Variants in CD33 observed in about 807,000 individuals in gnomAD.
CD33 encodes the protein myeloid cell surface antigen CD33.
In CD33, 25 loss-of-function variants were observed where a neutral mutation model predicts 31.4. The ratio of observed to expected loss-of-function variants is 0.80; its 90% CI spans 0.58 to 1.11. The LOEUF (loss-of-function observed/expected upper bound fraction) is 1.11. Among genes scored for constraint, CD33 ranks in the 50% most tolerant of loss-of-function variants. The pLI, the probability that CD33 is intolerant of heterozygous loss-of-function variation, is 0.00. For synonymous variants in CD33, 176 were observed against 180.6 expected, an observed-to-expected ratio of 0.97 and a Z score of 0.20; for missense variants, 407 against 448.1, an observed-to-expected ratio of 0.91 and a Z score of 0.83.
At chr19:51,215,332 G>A in the CD33 span, among the ~76,000 whole-genome samples, 2 of 152,142 alleles carry the variant, frequency 1.3e-5, no homozygotes, top group East Asian at 3.9e-4. Flanking sequence ...AGAGGTTTCT[G>A]TTCTCATAAA....
Position 51,239,890 on chromosome 19 carries a change from T to C in CD33, c.*202T>C. ...AATCTGTGCTCTTTCATTTGCTAAG[T>C]GTATGATGTCACACAAGCTCCTTAA... On this transcript the variant is annotated 3_prime_UTR_variant, in exon 7 of 7. Transcript: ENST00000262262. 1 of 434,534 alleles carries C rather than the reference T, an allele frequency of 2.3e-6. No individual in the cohort carries two copies. Among genetic ancestry groups the C allele is most frequent in the South Asian group, 4.9e-5 (1 of 20,350 alleles). 26.9% of individuals were successfully genotyped at this position (434,534 alleles called of 1,614,324 possible). A position where few individuals can be genotyped will look rare whatever the true frequency, so the allele number is the denominator to read the frequency against.
chr19:51,221,882 C>T (rs923271418), upstream of CD33, among the ~76,000 whole-genome samples: 3 of 152,166 alleles, frequency 2.0e-5, no homozygotes, highest in Non-Finnish European at 2.9e-5. Flanking sequence ...AGAGGCACTG[C>T]ACCAAGTAAA....
At chr19:51,226,916 A>G (rs1981078925) in intron 4 of CD33, among the ~76,000 whole-genome samples, 1 of 151,420 alleles carries the variant, frequency 6.6e-6, no homozygotes, top group Non-Finnish European at 1.5e-5. Flanking sequence ...TCTACTTTTT[A>G]CTTCTATGAA....
the CD33 span, among the ~76,000 whole-genome samples, chr19:51,213,714 T>C: frequency 6.6e-6 from 1 of 151,522 alleles, no homozygotes; most frequent in Non-Finnish European, 1.5e-5. Context: ...TTTTTTTTTT[T>C]CAGTAGAGAT....
At chr19:51,211,247 A>C in the CD33 span, 3 of 1,571,768 alleles carry the variant, frequency 1.9e-6, no homozygotes, top group Non-Finnish European at 2.6e-6. Context: ...CTGCAAGTGC[A>C]GGAGTCAGTG....
intron 6 of CD33, chr19:51,236,794 G>A (rs979064133): frequency 5.3e-5 from 8 of 152,182 alleles, no homozygotes; most frequent in South Asian, 2.1e-4. Context: ...CTCTGAACAC[G>A]GCTTAACACA....
chr19:51,227,891 T>C (rs1243310895), intron 4 of CD33, among the ~76,000 whole-genome samples: 1 of 152,192 alleles, frequency 6.6e-6, no homozygotes, highest in Non-Finnish European at 1.5e-5. Flanking sequence ...GAATTGATTT[T>C]TGTATAGGAC....
At position 51,226,081 on chromosome 19, in the gene CD33, T is replaced by G; in HGVS notation, c.697T>G (p.Tyr233Asp). The change falls in exon 3 of 7, where the codon TAT becomes GAT. Residue 233 changes from tyrosine (Y) to aspartate (D), a missense_variant and splice_region_variant. Tyr to Asp is a radical substitution (Grantham distance 160). Transcript: ENST00000262262. ...TERTIQLNVT[Y>D]VPQNPTTGIF... ...GAGAACCATCCAGCTCAACGTCACC[T>G]GTAAGTGCTGGGCCAGGATGCTGGG... is the stretch of plus-strand genomic sequence containing the variant. 1 of 1,613,540 alleles carries G rather than the reference T, an allele frequency of 6.2e-7. No homozygotes were observed. Among genetic ancestry groups the G allele is most frequent in the Non-Finnish European group, 8.5e-7 (1 of 1,179,612 alleles).
chr19:51,224,330 T>A (rs571753566), upstream of CD33, among the ~76,000 whole-genome samples: 1 of 152,286 alleles, frequency 6.6e-6, no homozygotes, highest in African/African-American at 2.4e-5. Context: ...AATTTGCTTA[T>A]TAAGGCCCAC....
chr19:51,219,824 C>T, the CD33 span, among the ~76,000 whole-genome samples: 1 of 152,280 alleles, frequency 6.6e-6, no homozygotes, highest in African/African-American at 2.4e-5. Flanking sequence ...TGATGAATCA[C>T]ATTTATTGAT....
At chr19:51,213,115 G>A in the CD33 span, among the ~76,000 whole-genome samples, 7 of 152,304 alleles carry the variant, frequency 4.6e-5, no homozygotes, top group South Asian at 6.2e-4. Context: ...TCAATCAAGA[G>A]TGGGCAAGCT....
upstream of CD33, among the ~76,000 whole-genome samples, chr19:51,222,979 C>T (rs978813477): frequency 4.6e-5 from 7 of 152,110 alleles, no homozygotes; most frequent in African/African-American, 9.6e-5. Context: ...CTTTGGAGGT[C>T]GAGGTGGGAG....
the CD33 span, chr19:51,211,898 C>A: frequency 3.5e-6 from 5 of 1,441,650 alleles, no homozygotes; most frequent in Non-Finnish European, 3.9e-6. Context: ...GGACGCCCCC[C>A]ATCTTCTCCT....
the CD33 span, among the ~76,000 whole-genome samples, chr19:51,212,544 C>T: frequency 6.6e-6 from 1 of 151,622 alleles, no homozygotes; most frequent in African/African-American, 2.4e-5. Flanking sequence ...TCACTCCCCT[C>T]AGACCCCACA....
intron 4 of CD33, among the ~76,000 whole-genome samples, chr19:51,231,633 G>T (rs1450327805): frequency 3.3e-5 from 4 of 121,238 alleles, no homozygotes; most frequent in African/African-American, 2.9e-5. Flanking sequence ...GATAAGATTT[G>T]ATTCCTTTCT....
At position 51,239,637 on chromosome 19, in the gene CD33, G is replaced by T; in HGVS notation, c.1044G>T (p.Met348Ile). The change falls in exon 7 of 7, where the codon ATG (methionine) becomes ATT (isoleucine). Residue 348 changes from methionine to isoleucine, a missense_variant. By Grantham distance (10) the Met-to-Ile change is conservative. Coordinates refer to ENST00000262262, the MANE Select transcript of CD33 (RefSeq NM_001772.4). ...ATGCTTCCCTCAACTTTCATGGGAT[G>T]AATCCTTCCAAGGACACCTCCACCG... Reference protein sequence around the residue: ...LHYASLNFHGMNPSKDTSTEY... With the variant: ...LHYASLNFHGINPSKDTSTEY... 1 of 1,613,682 alleles carries T rather than the reference G, an allele frequency of 6.2e-7. No homozygotes were observed.
intron 4 of CD33, among the ~76,000 whole-genome samples, chr19:51,231,226 C>T (rs1981382471): frequency 6.6e-6 from 1 of 152,250 alleles, no homozygotes; most frequent in Non-Finnish European, 1.5e-5. Flanking sequence ...CACGTCCTCA[C>T]CACCTGCTTC....
rs771285015 is a variant in CD33 at position 51,239,612 on chromosome 19, A to G, written c.1019A>G (p.Tyr340Cys). The G allele has an allele frequency of 1.5e-5, 24 of 1,613,732 alleles. No homozygotes were observed. Among genetic ancestry groups the G allele is most frequent in the Non-Finnish European group, 1.9e-5 (22 of 1,179,928 alleles). ...GTGGAGATGGATGAGGAGCTGCATT[A>G]TGCTTCCCTCAACTTTCATGGGATG... ...PTVEMDEELH[Y>C]ASLNFHGMNP... The change falls in exon 7 of 7, where the codon TAT (tyrosine) becomes TGT (cysteine). Residue 340 changes from tyrosine to cysteine, a missense_variant. Tyr to Cys is a radical substitution (Grantham distance 194). Transcript: ENST00000262262.
chr19:51,213,302 G>A, the CD33 span, among the ~76,000 whole-genome samples: 1 of 151,766 alleles, frequency 6.6e-6, no homozygotes, highest in Non-Finnish European at 1.5e-5. Flanking sequence ...GTATGATAAA[G>A]TGGCTTTTAG....
Sources: allele counts gnomAD v4.1 joint callset (sites outside exome capture counted in the v4.1 genomes callset), GRCh38; gene constraint gnomAD v4.1.1; transcripts MANE v1.5; gene names NCBI Gene and HGNC (gene_info 2026-07-23, HGNC 2026-07-21).